DAPP1: variants seen among roughly 807,000 people sequenced by gnomAD.
DAPP1 encodes the protein dual adapter for phosphotyrosine and 3-phosphotyrosine and 3-phosphoinositide.
Under a neutral mutation model 41.5 loss-of-function variants are expected in DAPP1, and 20 were observed. The ratio of observed to expected loss-of-function variants is 0.48; its 90% CI spans 0.34 to 0.70. DAPP1 has a LOEUF of 0.70. Ranked by LOEUF, DAPP1 falls within the 30% of genes least tolerant of loss-of-function variation. The probability of loss-of-function intolerance (pLI) is 0.01; values close to 1 mark genes in which losing one functional copy is unlikely to be tolerated. For synonymous variants in DAPP1, 113 were observed against 116.2 expected (o/e 0.97, Z 0.18); for missense variants, 233 against 333.4 (o/e 0.70, Z 2.35).
chr4:99,823,675 T>C (rs756789208), intron 1 of DAPP1, among the ~76,000 whole-genome samples: 7 of 152,190 alleles, frequency 4.6e-5, no homozygotes, highest in Non-Finnish European at 8.8e-5. Context: ...GTGGACTCAC[T>C]GAAGGTTCAT....
At chr4:99,863,697 A>AAGTGAGG in intron 6 of DAPP1, 73 bp from the exon 7 acceptor site, 1 of 964,420 alleles carries the variant, frequency 1.0e-6, no homozygotes, top group East Asian at 2.7e-5. Flanking sequence ...TGAGGGGAAT[A>AAGTGAGG]AGTGAGGGAC....
chr4:99,849,884 C>T (rs1472910006), intron 3 of DAPP1, among the ~76,000 whole-genome samples: 3 of 152,114 alleles, frequency 2.0e-5, no homozygotes, highest in African/African-American at 7.2e-5. Flanking sequence ...ATCTGACTGG[C>T]TGTTACTGGC....
At chr4:99,834,016 T>C (rs1046752753) in intron 1 of DAPP1, among the ~76,000 whole-genome samples, 11 of 152,096 alleles carry the variant, frequency 7.2e-5, no homozygotes, top group African/African-American at 2.7e-4. Context: ...AAGTAACATG[T>C]CCAAGGCCAT....
chr4:99,863,220 G>C, intron 6 of DAPP1, 148 bp downstream of exon 6: 1 of 602,630 alleles, frequency 1.7e-6, no homozygotes, highest in Non-Finnish European at 2.8e-6. Flanking sequence ...TTCCTGAAAT[G>C]AGCAGAGTTA....
intron 1 of DAPP1, 84 bp from the exon 2 acceptor site, chr4:99,835,539 G>A: frequency 6.4e-7 from 1 of 1,550,456 alleles, no homozygotes; most frequent in South Asian, 1.2e-5. Flanking sequence ...AATGTTGCTA[G>A]GTAATCTTTG....
At chr4:99,852,061 C>T (rs1419210148) in intron 3 of DAPP1, among the ~76,000 whole-genome samples, 1 of 152,076 alleles carries the variant, frequency 6.6e-6, no homozygotes, top group Non-Finnish European at 1.5e-5. Flanking sequence ...CTTTACCATG[C>T]CCTATTCATT....
intron 3 of DAPP1, among the ~76,000 whole-genome samples, chr4:99,844,991 G>A (rs910124592): frequency 2.0e-5 from 3 of 152,182 alleles, no homozygotes; most frequent in Non-Finnish European, 4.4e-5. Flanking sequence ...AATACAAAAT[G>A]TTCTCAGTTT....
chr4:99,837,641 C>T (rs1723347100), intron 2 of DAPP1, among the ~76,000 whole-genome samples: 1 of 152,202 alleles, frequency 6.6e-6, no homozygotes, highest in Non-Finnish European at 1.5e-5. Flanking sequence ...TTATTGCACA[C>T]ATCAGAGGTC....
intron 4 of DAPP1, among the ~76,000 whole-genome samples, chr4:99,858,349 A>G (rs931076009): frequency 2.6e-5 from 4 of 152,206 alleles, no homozygotes; most frequent in Admixed American, 6.5e-5. Flanking sequence ...GGTTTATATG[A>G]TATTGAATCA....
intron 4 of DAPP1, among the ~76,000 whole-genome samples, chr4:99,858,169 T>C (rs1354104649): frequency 1.3e-5 from 2 of 152,248 alleles, no homozygotes; most frequent in African/African-American, 4.8e-5. Flanking sequence ...GTTTTCTCAG[T>C]AAGTTCCGTC....
intron 8 of DAPP1, 54 bp from the exon 9 acceptor site, chr4:99,868,063 A>T (rs1195482949): frequency 4.1e-6 from 6 of 1,454,128 alleles, no homozygotes; most frequent in Non-Finnish European, 5.8e-6. Flanking sequence ...GTTAGAAGCC[A>T]GGGTTCATTA....
intron 1 of DAPP1, among the ~76,000 whole-genome samples, chr4:99,834,087 A>G (rs774108843): frequency 2.6e-5 from 4 of 152,234 alleles, no homozygotes; most frequent in African/African-American, 7.2e-5. Flanking sequence ...CGGGGCCACA[A>G]TCCTAATCAT....
At chr4:99,818,828 C>T (rs1012987226) in intron 1 of DAPP1, among the ~76,000 whole-genome samples, 3 of 152,182 alleles carry the variant, frequency 2.0e-5, no homozygotes, top group Non-Finnish European at 2.9e-5. Flanking sequence ...GGTTCTTGAC[C>T]TTGGCTGTGC....
intron 1 of DAPP1, among the ~76,000 whole-genome samples, chr4:99,818,637 A>G (rs760704063): frequency 1.3e-5 from 2 of 152,160 alleles, no homozygotes; most frequent in Non-Finnish European, 2.9e-5. Flanking sequence ...TCTTTCCTCC[A>G]TGTGCAAAGA....
intron 3 of DAPP1, among the ~76,000 whole-genome samples, chr4:99,850,236 C>T (rs2110155660): frequency 6.6e-6 from 1 of 152,186 alleles, no homozygotes; most frequent in South Asian, 2.1e-4. Flanking sequence ...ATGACGAAAC[C>T]CCGTCTCTAC....
At chr4:99,822,836 G>A (rs1174582238) in intron 1 of DAPP1, among the ~76,000 whole-genome samples, 1 of 152,042 alleles carries the variant, frequency 6.6e-6, no homozygotes, top group East Asian at 1.9e-4. Flanking sequence ...TGAGCCCATC[G>A]ACCTCTGTGT....
chr4:99,863,067 C>T lies in DAPP1; in HGVS notation c.595C>T (p.Gln199Ter). ...HRNELKYFKD[Q>*]MSPEPIRILD... ...GAATGAACTGAAATACTTCAAAGAC[C>T]AGATGGTGAGAAACATGATAATATA... Residue 199 changes from glutamine to a stop codon, truncating the protein, a stop_gained, in exon 6 of 9, where the codon CAG becomes TAG. Transcript: ENST00000512369. LOFTEE classifies it high-confidence loss of function. 6.4e-7 allele frequency: 1 copy of T among 1,573,240 alleles called. No individual in the cohort carries two copies. The highest frequency in any genetic ancestry group is 8.6e-7 in the Non-Finnish European group (1 of 1,162,480).
intron 2 of DAPP1, 109 bp downstream of exon 2, chr4:99,835,854 C>G (rs1382029429): frequency 7.0e-7 from 1 of 1,420,340 alleles, no homozygotes; most frequent in Non-Finnish European, 9.5e-7. Flanking sequence ...CCTGTTGGAC[C>G]ACCAGGTTAA....
downstream of DAPP1, among the ~76,000 whole-genome samples, chr4:99,870,462 T>G (rs1187519733): frequency 6.6e-6 from 1 of 152,000 alleles, no homozygotes; most frequent in Admixed American, 6.6e-5. Context: ...TACAACAATT[T>G]GTTGGAGGGT....
Sources: allele counts gnomAD v4.1 joint callset (sites outside exome capture counted in the v4.1 genomes callset), GRCh38; gene constraint gnomAD v4.1.1; transcripts MANE v1.5; gene names NCBI Gene and HGNC (gene_info 2026-07-23, HGNC 2026-07-21).